Variants in CAMKMT observed in about 807,000 individuals in gnomAD.
The protein encoded by CAMKMT is calmodulin-lysine N-methyltransferase, also known as CaM KMT.
A neutral mutation model predicts 48.0 loss-of-function variants in CAMKMT; 53 were observed. That is an observed-to-expected ratio of 1.10 (90% CI 0.89 to 1.39). CAMKMT has a LOEUF of 1.39. CAMKMT is among the 40% of genes most tolerant of loss of function. The probability of loss-of-function intolerance (pLI) is 0.00; values close to 1 mark genes in which losing one functional copy is unlikely to be tolerated. For synonymous variants in CAMKMT, 165 were observed against 152.3 expected, an observed-to-expected ratio of 1.08 and a Z score of -0.61; for missense variants, 428 against 402.7, an observed-to-expected ratio of 1.06 and a Z score of -0.54.
At chr2:44,615,070 G>A in intron 3 of CAMKMT, among the ~76,000 whole-genome samples, 1 of 93,066 alleles carries the variant, frequency 1.1e-5, no homozygotes, top group African/African-American at 3.7e-5. Context: ...TGGGACTACA[G>A]GTGCACCCCA....
chr2:44,589,323 G>A (rs1439719372), intron 3 of CAMKMT, among the ~76,000 whole-genome samples: 6 of 50,848 alleles, frequency 1.2e-4, no homozygotes, highest in Admixed American at 2.3e-4. Context: ...GCTTCTGCCC[G>A]GCCGCCCCTA....
rs1262574003 is a variant in CAMKMT, at chr2:44,657,536, A to T, written c.377-46747A>T. Among the ~76,000 whole-genome samples, 1 of 152,152 alleles carries T rather than the reference A, an allele frequency of 6.6e-6. No homozygotes were observed. Among genetic ancestry groups the T allele is most frequent in the Non-Finnish European group, 1.5e-5 (1 of 68,036 alleles). ...CATGCTTTATGGTATGTAAGTTTGG[A>T]ATTAAACTAAGTCTTCAAGTTCATG... is the stretch of plus-strand genomic sequence containing the variant. On this transcript the variant is annotated intron_variant, in intron 3 of 10. Transcript: ENST00000378494. The surrounding 1 kb of genome is among the most constrained non-coding windows in gnomAD (Gnocchi z 4.3).
chr2:44,683,837 A>AAAAAAAAAAGAAAAAG (rs1676176186), intron 3 of CAMKMT, among the ~76,000 whole-genome samples: 1 of 149,240 alleles, frequency 6.7e-6, no homozygotes, highest in Non-Finnish European at 1.5e-5. Context: ...AAAAAAAAAA[A>AAAAAAAAAAGAAAAAG]AAAAAAGAAA....
intron 3 of CAMKMT, among the ~76,000 whole-genome samples, chr2:44,638,513 C>G (rs1673271521): frequency 6.6e-6 from 1 of 152,126 alleles, no homozygotes. Context: ...AGTGAGAACC[C>G]AAGGCAAAAA....
chr2:44,402,320 C>G (rs1682452099), intron 3 of CAMKMT, among the ~76,000 whole-genome samples: 1 of 42,156 alleles, frequency 2.4e-5, no homozygotes, highest in South Asian at 1.1e-3. Context: ...CACAGCAAGA[C>G]TCTGTCTAAA....
intron 3 of CAMKMT, among the ~76,000 whole-genome samples, chr2:44,461,047 G>A (rs1667824762): frequency 6.6e-6 from 1 of 152,100 alleles, no homozygotes; most frequent in Non-Finnish European, 1.5e-5. Flanking sequence ...CTTAAGTAGA[G>A]CCTTCTCCAT....
chr2:44,733,105 G>A (rs1271636727), intron 7 of CAMKMT, among the ~76,000 whole-genome samples: 2 of 152,078 alleles, frequency 1.3e-5, no homozygotes, highest in South Asian at 2.1e-4. Flanking sequence ...TTTGCATATG[G>A]TGTGAGATAT....
intron 3 of CAMKMT, among the ~76,000 whole-genome samples, chr2:44,449,075 CA>C (rs1667156983): frequency 6.6e-6 from 1 of 152,014 alleles, no homozygotes; most frequent in South Asian, 2.1e-4. Flanking sequence ...TGTAAATACA[CA>C]AAAAACTATT....
At chr2:44,679,021 C>T (rs1675873257) in intron 3 of CAMKMT, among the ~76,000 whole-genome samples, 2 of 152,066 alleles carry the variant, frequency 1.3e-5, no homozygotes, top group South Asian at 4.2e-4. Context: ...CCAAAAGAAC[C>T]TTAACAAAAT....
intron 3 of CAMKMT, among the ~76,000 whole-genome samples, chr2:44,416,563 G>C (rs1172017623): frequency 2.1e-5 from 3 of 142,358 alleles, no homozygotes; most frequent in African/African-American, 7.8e-5. Flanking sequence ...ATTTCACTTA[G>C]CATGATTTTT....
rs1242031779 is a variant in CAMKMT at position 44,513,296 on chromosome 2, A to G, written c.376+122991A>G. ...AAGGGCCAAAGGAGAGGGGGACTGGAACATAGGAGTGTGACTAGTACATAG... is the reference window on the plus strand; with the variant it reads ...AAGGGCCAAAGGAGAGGGGGACTGGGACATAGGAGTGTGACTAGTACATAG... On this transcript the variant is annotated intron_variant, in intron 3 of 10. Coordinates refer to ENST00000378494, the MANE Select transcript of CAMKMT (RefSeq NM_024766.5). Among the ~76,000 whole-genome samples the G allele has an allele frequency of 2.8e-4, 37 of 133,104 alleles. 1 individual carries two copies. The highest frequency in any genetic ancestry group is 1.0e-3 in the African/African-American group (36 of 35,228). 87.3% of individuals were successfully genotyped at this position (133,104 alleles called of 152,430 possible).
At chr2:44,675,864 A>ACTTT (rs1367453482) in intron 3 of CAMKMT, among the ~76,000 whole-genome samples, 1 of 151,968 alleles carries the variant, frequency 6.6e-6, no homozygotes, top group East Asian at 1.9e-4. Flanking sequence ...CCATCATTCT[A>ACTTT]CTTTCTTTCT....
Position 44,766,738 on chromosome 2 carries a change from TGTCTA to T in CAMKMT, c.894+179_894+183del, listed in dbSNP as rs1680857348. Among the ~76,000 whole-genome samples, 19 of 151,278 alleles carry T rather than the reference TGTCTA, an allele frequency of 1.3e-4. No homozygotes were observed. In the South Asian group the frequency reaches 4.0e-3, roughly 32 times the overall value. On this transcript the variant is annotated intron_variant, in intron 10 of 10. Coordinates refer to ENST00000378494, the MANE Select transcript of CAMKMT (RefSeq NM_024766.5). The stretch of plus-strand genomic sequence containing the variant: ...GGTAAAGCCATCTTTTATCTTTGCA[TGTCTA>T]GAAGGATTTTACAGAAACCATTCCT...
Position 44,473,508 on chromosome 2 carries a change from G to C in CAMKMT, c.376+83203G>C, listed in dbSNP as rs111501531. On this transcript the variant is annotated intron_variant, in intron 3 of 10. Transcript: ENST00000378494. ...CCATAAAATGGTATGTTTTATAAGCGTGGATTTAGAGATAAATTATCTTGG... is the reference window on the plus strand; with the variant it reads ...CCATAAAATGGTATGTTTTATAAGCCTGGATTTAGAGATAAATTATCTTGG... Among the ~76,000 whole-genome samples the C allele has an allele frequency of 2.2e-3, 337 of 152,232 alleles. 1 individual carries two copies. The highest frequency in any genetic ancestry group is 3.9e-3 in the Non-Finnish European group (268 of 68,020).
chr2:44,479,779 C>T (rs970524838), intron 3 of CAMKMT, among the ~76,000 whole-genome samples: 1 of 152,070 alleles, frequency 6.6e-6, no homozygotes, highest in Non-Finnish European at 1.5e-5. Flanking sequence ...TGTTTAGTTT[C>T]CCTTTTAAGA....
intron 3 of CAMKMT, among the ~76,000 whole-genome samples, chr2:44,497,369 G>C (rs1398300706): frequency 1.3e-5 from 2 of 152,074 alleles, no homozygotes; most frequent in East Asian, 3.9e-4. Context: ...AAAGTACTTG[G>C]GATAAGAAAT....
At chr2:44,686,898 G>T (rs899925082) in intron 3 of CAMKMT, among the ~76,000 whole-genome samples, 19 of 152,186 alleles carry the variant, frequency 1.2e-4, no homozygotes, top group African/African-American at 4.6e-4. Context: ...TAATCCCTTA[G>T]CATGTTTACT....
intron 3 of CAMKMT, among the ~76,000 whole-genome samples, chr2:44,454,559 T>C (rs761450534): frequency 1.3e-5 from 2 of 152,176 alleles, no homozygotes; most frequent in African/African-American, 2.4e-5. Flanking sequence ...CCCAAGGCAC[T>C]GGGAACTTAA....
chr2:44,378,483 T>A (rs556257293), intron 2 of CAMKMT, among the ~76,000 whole-genome samples: 3,524 of 148,206 alleles, frequency 0.024, 117 homozygotes, highest in African/African-American at 0.087. Flanking sequence ...TTTGTTTGTT[T>A]GTTTGTTTGT....
Sources: allele counts gnomAD v4.1 joint callset (sites outside exome capture counted in the v4.1 genomes callset), GRCh38; gene constraint gnomAD v4.1.1; non-coding constraint Gnocchi (gnomAD v3.1); transcripts MANE v1.5; gene names NCBI Gene and HGNC (gene_info 2026-07-23, HGNC 2026-07-21).